Variants in FGF12 observed in about 807,000 individuals in gnomAD.
FGF12 encodes the protein fibroblast growth factor 12B.
In FGF12, 14 loss-of-function variants were observed where a neutral mutation model predicts 23.6. The observed-to-expected ratio is 0.59, with a 90% confidence interval of 0.39 to 0.93. FGF12 has a LOEUF of 0.93. Among genes scored for constraint, FGF12 ranks in the 40% least tolerant of loss-of-function variants. The pLI, the probability that FGF12 is intolerant of heterozygous loss-of-function variation, is 0.00. For synonymous variants in FGF12, 62 were observed against 77.3 expected (o/e 0.80, Z 1.04); for missense variants, 175 against 217.8 (o/e 0.80, Z 1.24).
chr3:192,524,937 C>T (rs1225015152), intron 2 of FGF12, among the ~76,000 whole-genome samples: 1 of 152,088 alleles, frequency 6.6e-6, no homozygotes, highest in Non-Finnish European at 1.5e-5. Flanking sequence ...AAAATGGACA[C>T]ATTTTGTCCT....
intron 5 of FGF12, among the ~76,000 whole-genome samples, chr3:192,158,741 T>G (rs1714698859): frequency 7.0e-6 from 1 of 143,728 alleles, no homozygotes; most frequent in South Asian, 2.4e-4. Context: ...TTATTCTTCC[T>G]CTTTATTTTC....
chr3:192,146,295 G>T (rs1189674295), intron 5 of FGF12, among the ~76,000 whole-genome samples: 1 of 134,770 alleles, frequency 7.4e-6, no homozygotes, highest in Non-Finnish European at 1.5e-5. Context: ...TTTTGAGACG[G>T]AGTCTCGCTC....
intron 2 of FGF12, among the ~76,000 whole-genome samples, chr3:192,692,292 A>G (rs1717966863): frequency 6.6e-6 from 1 of 152,354 alleles, no homozygotes; most frequent in African/African-American, 2.4e-5. Flanking sequence ...CAAGTTTTAC[A>G]ACTCATCTAA....
At chr3:192,150,463 T>C (rs976974680) in intron 5 of FGF12, among the ~76,000 whole-genome samples, 3 of 122,800 alleles carry the variant, frequency 2.4e-5, no homozygotes, top group African/African-American at 9.3e-5. Flanking sequence ...AACGTTTAAA[T>C]CTTTAATCCA....
intron 4 of FGF12, among the ~76,000 whole-genome samples, chr3:192,243,988 A>G (rs942426307): frequency 5.9e-5 from 9 of 152,114 alleles, no homozygotes; most frequent in Non-Finnish European, 1.3e-4. Context: ...AAAACCACAT[A>G]TCATAAATAA....
At chr3:192,564,942 C>A (rs111304047) in intron 2 of FGF12, among the ~76,000 whole-genome samples, 1,921 of 152,280 alleles carry the variant, frequency 0.013, 36 homozygotes, top group African/African-American at 0.043. Context: ...ACCTTTGTTT[C>A]CTCTACATAA....
chr3:192,366,773 AT>A (rs1719005188), intron 2 of FGF12, among the ~76,000 whole-genome samples: 1 of 152,176 alleles, frequency 6.6e-6, no homozygotes, highest in Non-Finnish European at 1.5e-5. Context: ...AAAAGGAAGC[AT>A]TTGGAGGGAT....
At chr3:192,567,587 A>T (rs1425334527) in intron 2 of FGF12, among the ~76,000 whole-genome samples, 1 of 152,102 alleles carries the variant, frequency 6.6e-6, no homozygotes, top group Admixed American at 6.5e-5. Flanking sequence ...TCCAAAATCA[A>T]GGTGTCCACA....
At chr3:192,718,003 G>A (rs562181291) in intron 2 of FGF12, among the ~76,000 whole-genome samples, 3 of 152,050 alleles carry the variant, frequency 2.0e-5, no homozygotes, top group Admixed American at 6.5e-5. Context: ...CATAGTTATT[G>A]GTTTTTAAAT....
intron 2 of FGF12, among the ~76,000 whole-genome samples, chr3:192,667,884 T>G: frequency 6.6e-6 from 1 of 152,116 alleles, no homozygotes. Context: ...AGGAGGGGTT[T>G]TAAGCTGGAA....
rs557925269 is a variant in FGF12, at chr3:192,432,861, G to A, written c.14-72323C>T. 1.7e-4 allele frequency among the ~76,000 whole-genome samples: 26 copies of A among 152,254 alleles called. No individual in the cohort carries two copies. The South Asian group carries it at 5.4e-3, about 32-fold the overall frequency. The stretch of plus-strand genomic sequence containing the variant: ...CCCACCGAAACTGAGATATGAGCAT[G>A]TGTTGTTTTGAGTAATAATTTGTTA... On this transcript the variant is annotated intron_variant, in intron 2 of 5. Transcript: ENST00000445105.
intron 2 of FGF12, among the ~76,000 whole-genome samples, chr3:192,533,517 AG>A (rs1725146596): frequency 6.6e-6 from 1 of 152,340 alleles, no homozygotes; most frequent in South Asian, 2.1e-4. Context: ...CTGTCAATTC[AG>A]GTCAGTCTGT....
chr3:192,329,396 T>C lies in FGF12; in HGVS notation c.228+5965A>G, dbSNP rs114111072. On this transcript the variant is annotated intron_variant, in intron 4 of 5. Transcript: ENST00000445105. The stretch of plus-strand genomic sequence containing the variant: ...TTATTTTTACTCTTTACATATTTTA[T>C]CACATGTATCATTCTATCAAGTTAC... Among the ~76,000 whole-genome samples, 1,138 of 152,314 alleles carry C rather than the reference T, an allele frequency of 7.5e-3. 8 individuals carry two copies. The highest frequency in any genetic ancestry group is 0.026 in the African/African-American group (1,090 of 41,574).
At chr3:192,483,442 G>T (rs1453869507) in intron 2 of FGF12, among the ~76,000 whole-genome samples, 3 of 152,090 alleles carry the variant, frequency 2.0e-5, no homozygotes, top group Admixed American at 6.6e-5. Flanking sequence ...AATGTCTAAT[G>T]TCTCTTACTG....
At chr3:192,344,188 A>T (rs1383538528) in intron 3 of FGF12, among the ~76,000 whole-genome samples, 1 of 152,222 alleles carries the variant, frequency 6.6e-6, no homozygotes, top group Non-Finnish European at 1.5e-5. Context: ...GATAATAAAA[A>T]CAAGCCACTT....
chr3:192,436,902 G>A (rs1299855211), intron 2 of FGF12, among the ~76,000 whole-genome samples: 1 of 152,122 alleles, frequency 6.6e-6, no homozygotes, highest in Non-Finnish European at 1.5e-5. Context: ...AGATATGAAA[G>A]GACACAAAGA....
At chr3:192,654,651 T>C (rs1716332817) in intron 2 of FGF12, among the ~76,000 whole-genome samples, 1 of 152,192 alleles carries the variant, frequency 6.6e-6, no homozygotes, top group South Asian at 2.1e-4. Context: ...TGAGGAAAAG[T>C]GACAGAGTCA....
At chr3:192,715,628 C>A (rs1718842280) in intron 2 of FGF12, among the ~76,000 whole-genome samples, 1 of 152,178 alleles carries the variant, frequency 6.6e-6, no homozygotes, top group Non-Finnish European at 1.5e-5. Flanking sequence ...TTGTCTTAGT[C>A]CTTGGTTCCT....
In FGF12 at chr3:192,634,177, T is replaced by C. The variant is rs571454958; in HGVS notation, c.13+93004A>G. On this transcript the variant is annotated intron_variant, in intron 2 of 5. Transcript: ENST00000445105. Reference sequence around the variant, plus strand: ...TCTCTCTTTCATCTTTTTCTTCCTGTATACACATGATGCCTACACACGTAG... The same window carrying C: ...TCTCTCTTTCATCTTTTTCTTCCTGCATACACATGATGCCTACACACGTAG... Among the ~76,000 whole-genome samples the C allele has an allele frequency of 2.6e-5, 4 of 152,272 alleles. No homozygotes were observed. In the South Asian group the frequency reaches 8.3e-4, roughly 32 times the overall value.
Sources: gnomAD v4.1 joint callset for allele counts (sites outside exome capture counted in the v4.1 genomes callset) on GRCh38, gnomAD v4.1.1 for gene constraint, MANE v1.5 for transcripts, NCBI Gene and HGNC (gene_info 2026-07-23, HGNC 2026-07-21) for gene names.